Variants in AKAP19 observed in about 807,000 individuals in gnomAD.
The protein encoded by AKAP19 is A-kinase anchoring protein 19.
chr2:190,129,610 T>C, the AKAP19 span, among the ~76,000 whole-genome samples: 2 of 152,252 alleles, frequency 1.3e-5, no homozygotes, highest in East Asian at 3.9e-4. Context: ...GGGCATAGTA[T>C]AGTCTAATGT....
At chr2:190,035,412 C>CA in the AKAP19 span, among the ~76,000 whole-genome samples, 1 of 151,428 alleles carries the variant, frequency 6.6e-6, no homozygotes, top group Non-Finnish European at 1.5e-5. Flanking sequence ...GCCTGGGCAA[C>CA]AGAGCCAGAC....
the AKAP19 span, among the ~76,000 whole-genome samples, chr2:190,035,678 CA>C: frequency 6.6e-6 from 1 of 151,452 alleles, no homozygotes; most frequent in African/African-American, 2.4e-5. Context: ...TAAGTTGGCT[CA>C]AAAGCCTTTT....
the AKAP19 span, among the ~76,000 whole-genome samples, chr2:190,144,169 A>C: frequency 1.5e-5 from 1 of 65,348 alleles, no homozygotes; most frequent in Admixed American, 2.2e-4. Context: ...CTTAAAGTAT[A>C]ATAAAAGAAA....
the AKAP19 span, among the ~76,000 whole-genome samples, chr2:190,076,880 C>T: frequency 3.9e-5 from 6 of 152,112 alleles, no homozygotes; most frequent in Admixed American, 2.0e-4. Flanking sequence ...TCATCATTTT[C>T]TGGGACTGTA....
chr2:190,138,133 A>G, the AKAP19 span, among the ~76,000 whole-genome samples: 1 of 152,222 alleles, frequency 6.6e-6, no homozygotes, highest in South Asian at 2.1e-4. Context: ...AACATGCTTC[A>G]GAAACTTTTA....
chr2:190,009,974 T>G, the AKAP19 span, among the ~76,000 whole-genome samples: 9 of 151,870 alleles, frequency 5.9e-5, no homozygotes, highest in Middle Eastern at 3.2e-3. Context: ...GAGCAAAGGA[T>G]TTTGCTGTTG....
At chr2:190,202,993 T>C in the AKAP19 span, 1 of 166,896 alleles carries the variant, frequency 6.0e-6, no homozygotes, top group Non-Finnish European at 1.5e-5. Context: ...AAAGCACAAT[T>C]TTGAAGGGGA....
the AKAP19 span, among the ~76,000 whole-genome samples, chr2:189,905,425 A>T: frequency 6.6e-6 from 1 of 152,040 alleles, no homozygotes. Flanking sequence ...TTTGATATTC[A>T]TAATTTCCCT....
At chr2:189,938,983 T>C in the AKAP19 span, among the ~76,000 whole-genome samples, 1 of 152,182 alleles carries the variant, frequency 6.6e-6, no homozygotes, top group Non-Finnish European at 1.5e-5. Context: ...GTTTCTACAC[T>C]GGAAAAAGTG....
chr2:190,118,046 T>C, the AKAP19 span, among the ~76,000 whole-genome samples: 1 of 152,108 alleles, frequency 6.6e-6, no homozygotes, highest in African/African-American at 2.4e-5. Flanking sequence ...TCACCACCGA[T>C]CCCACAGAAA....
the AKAP19 span, chr2:190,079,874 TGTGTGTGTGTGTGTGTGA>T: frequency 7.4e-6 from 1 of 134,724 alleles, no homozygotes; most frequent in East Asian, 2.1e-4. Flanking sequence ...TGTGTGTGTG[TGTGTGTGTGTGTGTGTGA>T]GAGAGAGAGA....
the AKAP19 span, among the ~76,000 whole-genome samples, chr2:189,944,664 C>A: frequency 1.3e-5 from 2 of 152,104 alleles, no homozygotes. Flanking sequence ...GACTTTAACA[C>A]CCCACTATCA....
At chr2:189,961,928 A>G in the AKAP19 span, among the ~76,000 whole-genome samples, 5 of 151,932 alleles carry the variant, frequency 3.3e-5, no homozygotes, top group Non-Finnish European at 7.4e-5. Flanking sequence ...AAAAAAAAGT[A>G]TCAGACTCAC....
chr2:190,121,705 T>C, the AKAP19 span, among the ~76,000 whole-genome samples: 1 of 152,194 alleles, frequency 6.6e-6, no homozygotes, highest in Non-Finnish European at 1.5e-5. Context: ...GGAAGTACCA[T>C]AATGATTATA....
At chr2:189,889,413 G>A in the AKAP19 span, among the ~76,000 whole-genome samples, 1 of 152,048 alleles carries the variant, frequency 6.6e-6, no homozygotes, top group African/African-American at 2.4e-5. Flanking sequence ...TGTCTGCCAG[G>A]TTTTGTTATC....
the AKAP19 span, among the ~76,000 whole-genome samples, chr2:190,007,897 G>T: frequency 6.6e-6 from 1 of 152,152 alleles, no homozygotes; most frequent in Admixed American, 6.5e-5. Context: ...AGGAGGCAGA[G>T]GTTGCAGTGA....
the AKAP19 span, among the ~76,000 whole-genome samples, chr2:190,039,143 A>T: frequency 6.6e-6 from 1 of 150,548 alleles, no homozygotes; most frequent in South Asian, 2.1e-4. Flanking sequence ...TGTGATCTCC[A>T]TCTCAGCTCA....
At chr2:189,991,440 GTAAT>G in the AKAP19 span, among the ~76,000 whole-genome samples, 1 of 152,062 alleles carries the variant, frequency 6.6e-6, no homozygotes, top group Non-Finnish European at 1.5e-5. Flanking sequence ...CATTTCCTTT[GTAAT>G]TAGTGATGTT....
the AKAP19 span, among the ~76,000 whole-genome samples, chr2:190,064,626 T>C: frequency 6.6e-6 from 1 of 152,150 alleles, no homozygotes; most frequent in Non-Finnish European, 1.5e-5. Flanking sequence ...ACCTGTCATA[T>C]AGTAAGTAAT....
Sources: allele counts gnomAD v4.1 joint callset (sites outside exome capture counted in the v4.1 genomes callset), GRCh38; gene constraint gnomAD v4.1.1; transcripts MANE v1.5; gene names NCBI Gene and HGNC (gene_info 2026-07-23, HGNC 2026-07-21).